Variants in PDE4D observed in about 807,000 individuals in gnomAD.
PDE4D encodes 3',5'-cyclic-AMP phosphodiesterase 4D.
In PDE4D, 24 loss-of-function variants were observed where a neutral mutation model predicts 87.4. The observed-to-expected ratio is 0.27, with a 90% confidence interval of 0.20 to 0.39. The LOEUF is 0.39. Ranked by LOEUF, PDE4D falls within the 10% of genes least tolerant of loss-of-function variation. The pLI is 1.00. For missense variants in PDE4D, 714 were observed against 1,041.0 expected, an observed-to-expected ratio of 0.69 and a Z score of 4.32; for synonymous variants, 384 against 383.2, an observed-to-expected ratio of 1.00 and a Z score of -0.02.
chr5:59,840,376 A>T (rs748638853), intron 1 of PDE4D, among the ~76,000 whole-genome samples: 4 of 151,238 alleles, frequency 2.6e-5, no homozygotes, highest in African/African-American at 9.7e-5. Context: ...TTATCATCTG[A>T]TTCCTTTGCT....
intron 5 of PDE4D, among the ~76,000 whole-genome samples, chr5:59,180,187 G>T (rs1741157856): frequency 6.6e-6 from 1 of 152,132 alleles, no homozygotes; most frequent in Non-Finnish European, 1.5e-5. Context: ...GGATATTGAT[G>T]AACCAACACG....
rs35340734 is a variant in PDE4D at position 60,193,669 on chromosome 5, C to CAAAAA, written c.-89-7987_-89-7983dup. On this transcript the variant is annotated intron_variant, in intron 1 of 16. Transcript: ENST00000502484. ...CCTGGGCGACAGCGAGACTCCGTCTCAAAAAAAAAAAAAAAAAAAAAAAGA... is the reference window on the plus strand; with the variant it reads ...CCTGGGCGACAGCGAGACTCCGTCTCAAAAAAAAAAAAAAAAAAAAAAAAAAAAGA... Among the ~76,000 whole-genome samples the CAAAAA allele has an allele frequency of 2.9e-3, 132 of 45,768 alleles. 2 individuals are homozygous for CAAAAA. Among genetic ancestry groups the CAAAAA allele is most frequent in the African/African-American group, 4.9e-3 (62 of 12,658 alleles). 30.0% of individuals were successfully genotyped at this position (45,768 alleles called of 152,430 possible).
intron 1 of PDE4D, among the ~76,000 whole-genome samples, chr5:59,743,375 C>T (rs1250859297): frequency 6.6e-6 from 1 of 152,024 alleles, no homozygotes; most frequent in East Asian, 1.9e-4. Context: ...AAAATGAGTA[C>T]ATAACTTGAA....
chr5:60,294,214 C>T (rs1753177093), intron 1 of PDE4D, among the ~76,000 whole-genome samples: 1 of 152,030 alleles, frequency 6.6e-6, no homozygotes, highest in Admixed American at 6.6e-5. Context: ...TGTTCATTGG[C>T]CATTTGTATA....
chr5:59,816,395 T>C (rs911363883), intron 1 of PDE4D, among the ~76,000 whole-genome samples: 4 of 152,180 alleles, frequency 2.6e-5, no homozygotes, highest in Admixed American at 6.6e-5. Flanking sequence ...GATCATTCAT[T>C]CGCTCAACAA....
At position 60,045,250 on chromosome 5, in the gene PDE4D, T is replaced by C. The variant is rs538133103; in HGVS notation, c.43-56533A>G. ...TAAATTTGTTTGAGTTCATTGTAGATTCTGGATATTAGCCCTTTGTCAGAT... is the reference window on the plus strand; with the variant it reads ...TAAATTTGTTTGAGTTCATTGTAGACTCTGGATATTAGCCCTTTGTCAGAT... On this transcript the variant is annotated intron_variant, in intron 2 of 16. Coordinates refer to the PDE4D transcript ENST00000502484. Among the ~76,000 whole-genome samples the C allele has an allele frequency of 5.9e-5, 9 of 152,206 alleles. No homozygotes were observed. The South Asian group carries it at 1.5e-3, about 25-fold the overall frequency.
chr5:59,589,363 A>G (rs1296158077), intron 1 of PDE4D, among the ~76,000 whole-genome samples: 1 of 152,204 alleles, frequency 6.6e-6, no homozygotes, highest in Non-Finnish European at 1.5e-5. Context: ...GGAGATGCCA[A>G]AAAGATTGTA....
At chr5:59,371,155 G>A (rs1343753914) in intron 1 of PDE4D, among the ~76,000 whole-genome samples, 1 of 152,170 alleles carries the variant, frequency 6.6e-6, no homozygotes, top group Non-Finnish European at 1.5e-5. Flanking sequence ...TCCTGGGAGG[G>A]TATATTACTG....
chr5:59,615,957 C>G (rs1829609871), intron 1 of PDE4D, among the ~76,000 whole-genome samples: 2 of 151,900 alleles, frequency 1.3e-5, no homozygotes, highest in African/African-American at 4.8e-5. Context: ...CCATAAGCAT[C>G]CACAATCTGT....
intron 1 of PDE4D, among the ~76,000 whole-genome samples, chr5:60,255,020 A>G (rs1178729213): frequency 6.6e-6 from 1 of 151,940 alleles, no homozygotes; most frequent in Non-Finnish European, 1.5e-5. Flanking sequence ...ATAAAGAAGA[A>G]TACTGCTGCC....
intron 2 of PDE4D, among the ~76,000 whole-genome samples, chr5:60,109,782 A>C (rs1195516590): frequency 2.0e-5 from 3 of 151,624 alleles, no homozygotes; most frequent in Non-Finnish European, 4.4e-5. Context: ...AACACCGCAT[A>C]TTCTCACTCA....
chr5:60,521,906 C>T (rs1751051783), intron 1 of PDE4D: 1 of 149,592 alleles, frequency 6.7e-6, no homozygotes, highest in East Asian at 2.0e-4. Flanking sequence ...TGGAACCCTG[C>T]ACTAAAGCTT....
At chr5:60,187,970 T>C (rs1192197900) in intron 1 of PDE4D, among the ~76,000 whole-genome samples, 1 of 152,194 alleles carries the variant, frequency 6.6e-6, no homozygotes, top group East Asian at 1.9e-4. Context: ...TAGGAGAATG[T>C]TTGGCTCATA....
At chr5:59,469,634 C>G (rs1022857247) in intron 1 of PDE4D, among the ~76,000 whole-genome samples, 1 of 152,164 alleles carries the variant, frequency 6.6e-6, no homozygotes, top group Non-Finnish European at 1.5e-5. Flanking sequence ...TCTGTTCACT[C>G]TGTCAGTTAC....
chr5:59,676,841 A>ACTATAGTT (rs1748175019), intron 1 of PDE4D, among the ~76,000 whole-genome samples: 1 of 152,128 alleles, frequency 6.6e-6, no homozygotes, highest in African/African-American at 2.4e-5. Flanking sequence ...CTATAGTCAT[A>ACTATAGTT]CTATAGTGCT....
chr5:59,207,157 C>T (rs533562145), intron 2 of PDE4D, among the ~76,000 whole-genome samples: 173 of 151,604 alleles, frequency 1.1e-3, no homozygotes, highest in African/African-American at 4.0e-3. Flanking sequence ...GCACTCCAGC[C>T]TGGGCAATAA....
At chr5:59,702,661 G>A (rs1752753224) in intron 1 of PDE4D, among the ~76,000 whole-genome samples, 1 of 151,874 alleles carries the variant, frequency 6.6e-6, no homozygotes. Flanking sequence ...TTGAGTCCAG[G>A]AATTTGTGAC....
At chr5:59,285,423 CCT>C (rs1236224915) in intron 1 of PDE4D, among the ~76,000 whole-genome samples, 3 of 151,846 alleles carry the variant, frequency 2.0e-5, no homozygotes, top group Non-Finnish European at 4.4e-5. Context: ...CTGAGTCTTG[CCT>C]CTTTCTTGTT....
At chr5:60,156,847 C>T (rs1305857692) in intron 2 of PDE4D, among the ~76,000 whole-genome samples, 1 of 152,000 alleles carries the variant, frequency 6.6e-6, no homozygotes, top group African/African-American at 2.4e-5. Flanking sequence ...GTAAACCTAA[C>T]TCATGATGCT....
Sources: allele counts gnomAD v4.1 joint callset (sites outside exome capture counted in the v4.1 genomes callset), GRCh38; gene constraint gnomAD v4.1.1; transcripts MANE v1.5; gene names NCBI Gene and HGNC (gene_info 2026-07-23, HGNC 2026-07-21).